CSTPP1: variants seen among roughly 807,000 people sequenced by gnomAD.
The protein encoded by CSTPP1 is centriolar satellite-associated tubulin polyglutamylase complex regulator 1, also known as UPF0705 protein C11orf49.
At chr11:47,163,371 C>T in the CSTPP1 span, among the ~76,000 whole-genome samples, 6 of 152,124 alleles carry the variant, frequency 3.9e-5, no homozygotes, top group Non-Finnish European at 7.4e-5. Flanking sequence ...TCCAGATGAT[C>T]CCAAAGCTGA....
chr11:46,962,237 T>G, the CSTPP1 span, among the ~76,000 whole-genome samples: 1 of 152,188 alleles, frequency 6.6e-6, no homozygotes, highest in Non-Finnish European at 1.5e-5. Flanking sequence ...CAAAAATCAA[T>G]TTGCTATAAA....
At chr11:47,064,484 A>G in the CSTPP1 span, among the ~76,000 whole-genome samples, 1 of 152,158 alleles carries the variant, frequency 6.6e-6, no homozygotes, top group South Asian at 2.1e-4. Flanking sequence ...ATTTTGAGTT[A>G]ATTTTTATGT....
chr11:46,960,848 G>A, the CSTPP1 span, among the ~76,000 whole-genome samples: 1 of 144,926 alleles, frequency 6.9e-6, no homozygotes, highest in Non-Finnish European at 1.5e-5. Context: ...GCGAAACTCT[G>A]TCTCAAAAAA....
At chr11:47,092,847 T>C in the CSTPP1 span, among the ~76,000 whole-genome samples, 1 of 152,226 alleles carries the variant, frequency 6.6e-6, no homozygotes, top group Non-Finnish European at 1.5e-5. Context: ...AATTTTGTTT[T>C]CATGATACTG....
At chr11:47,026,863 G>C in the CSTPP1 span, among the ~76,000 whole-genome samples, 1 of 152,124 alleles carries the variant, frequency 6.6e-6, no homozygotes, top group African/African-American at 2.4e-5. Flanking sequence ...GGATGACAGA[G>C]GAAGACCCTG....
chr11:47,158,531 G>T, the CSTPP1 span, among the ~76,000 whole-genome samples: 18 of 151,832 alleles, frequency 1.2e-4, no homozygotes, highest in Admixed American at 3.3e-4. Flanking sequence ...ACAGTTTAAG[G>T]TTTTTTGTTT....
the CSTPP1 span, among the ~76,000 whole-genome samples, chr11:47,110,803 C>T: frequency 6.6e-6 from 1 of 152,186 alleles, no homozygotes; most frequent in African/African-American, 2.4e-5. Context: ...AACTCCAGGG[C>T]CCTGAAGCCC....
At chr11:47,137,269 A>G in the CSTPP1 span, 3 of 1,305,040 alleles carry the variant, frequency 2.3e-6, no homozygotes, top group African/African-American at 4.5e-5. Context: ...ACCATGCCAG[A>G]GAATTTCAGC....
the CSTPP1 span, among the ~76,000 whole-genome samples, chr11:47,082,673 T>A: frequency 6.6e-6 from 1 of 152,062 alleles, no homozygotes; most frequent in South Asian, 2.1e-4. Flanking sequence ...TCAAGCCCCC[T>A]CTGCCAAGAA....
At chr11:46,994,600 C>T in the CSTPP1 span, among the ~76,000 whole-genome samples, 1 of 152,154 alleles carries the variant, frequency 6.6e-6, no homozygotes, top group Non-Finnish European at 1.5e-5. Context: ...GTATGTTGAA[C>T]CAGTCTTGCA....
the CSTPP1 span, among the ~76,000 whole-genome samples, chr11:47,105,466 ACTC>A: frequency 6.6e-6 from 1 of 152,018 alleles, no homozygotes; most frequent in Non-Finnish European, 1.5e-5. Context: ...ATACAACTGT[ACTC>A]CAGCATGGGC....
chr11:46,936,718 C>A, the CSTPP1 span: 5 of 1,568,012 alleles, frequency 3.2e-6, no homozygotes, highest in Non-Finnish European at 4.3e-6. Flanking sequence ...CCCCTTCCGC[C>A]GCGTGGGTGC....
the CSTPP1 span, among the ~76,000 whole-genome samples, chr11:47,034,562 C>A: frequency 1.3e-5 from 2 of 150,756 alleles, no homozygotes; most frequent in Non-Finnish European, 2.9e-5. Context: ...AGTCCAGTGG[C>A]ATGATTATAA....
chr11:47,157,106 A>G, the CSTPP1 span: 3 of 1,614,184 alleles, frequency 1.9e-6, no homozygotes, highest in Admixed American at 1.7e-5. Flanking sequence ...GACGTCGTCC[A>G]GTGGGCAGCA....
the CSTPP1 span, chr11:47,155,504 A>G: frequency 1.7e-6 from 1 of 573,952 alleles, no homozygotes; most frequent in Non-Finnish European, 3.1e-6. Flanking sequence ...TTCAGTCAGC[A>G]ACGCAACAAA....
chr11:46,966,746 A>G, the CSTPP1 span, among the ~76,000 whole-genome samples: 27 of 152,214 alleles, frequency 1.8e-4, no homozygotes, highest in South Asian at 1.0e-3. Context: ...TTAAAAAGGC[A>G]TGTACTTATG....
At chr11:47,036,046 T>C in the CSTPP1 span, among the ~76,000 whole-genome samples, 2 of 12,760 alleles carry the variant, frequency 1.6e-4, 1 homozygote, top group Non-Finnish European at 3.2e-4. Flanking sequence ...TATATATATA[T>C]ATATATATAT....
At chr11:46,987,452 G>C in the CSTPP1 span, 2 of 684,046 alleles carry the variant, frequency 2.9e-6, no homozygotes, top group African/African-American at 3.6e-5. Flanking sequence ...GTTGTGGGCC[G>C]CCCAAACATG....
chr11:47,048,632 A>G, the CSTPP1 span, among the ~76,000 whole-genome samples: 1 of 151,916 alleles, frequency 6.6e-6, no homozygotes, highest in African/African-American at 2.4e-5. Context: ...AGGCAAATAT[A>G]TAGAGATAGA....
Sources: allele counts gnomAD v4.1 joint callset (sites outside exome capture counted in the v4.1 genomes callset), GRCh38; gene constraint gnomAD v4.1.1; transcripts MANE v1.5; gene names NCBI Gene and HGNC (gene_info 2026-07-23, HGNC 2026-07-21).